The following MEMO1 variants were observed in gnomAD, a reference collection of about 807,000 sequenced individuals.
MEMO1 encodes the protein mediator of cell motility 1, also known as protein MEMO1.
MEMO1 carries 6 observed loss-of-function variants against 45.2 expected under a neutral mutation model. The observed-to-expected ratio is 0.13, with a 90% CI of 0.07 to 0.26. The LOEUF is 0.26. Ranked by LOEUF, MEMO1 falls within the 10% of genes least tolerant of loss-of-function variation. The pLI is 1.00. For missense variants in MEMO1, 184 were observed against 370.5 expected, an observed-to-expected ratio of 0.50 and a Z score of 4.13; for synonymous variants, 78 against 124.3, an observed-to-expected ratio of 0.63 and a Z score of 2.48.
chr2:31,951,394 T>A (rs759068434), intron 2 of MEMO1, among the ~76,000 whole-genome samples: 1 of 152,204 alleles, frequency 6.6e-6, no homozygotes, highest in African/African-American at 2.4e-5. Flanking sequence ...TGTTCTGATA[T>A]TCTTAATTTC....
At chr2:31,933,123 C>T (rs1355887761) in intron 3 of MEMO1, among the ~76,000 whole-genome samples, 1 of 150,094 alleles carries the variant, frequency 6.7e-6, no homozygotes, top group East Asian at 2.0e-4. Flanking sequence ...GAAAGTCAAA[C>T]AAAAATAGCT....
At chr2:31,950,781 A>G (rs768281713) in intron 2 of MEMO1, among the ~76,000 whole-genome samples, 32 of 152,140 alleles carry the variant, frequency 2.1e-4, no homozygotes, top group Non-Finnish European at 4.3e-4. Context: ...AAAACAAAAA[A>G]ATACTTATTC....
In MEMO1 at chr2:32,005,264, G is replaced by A. The variant is rs1673916724; in HGVS notation, c.61+4923C>T. On this transcript the variant is annotated intron_variant, in intron 2 of 9. Coordinates refer to ENST00000404530, the MANE Select transcript of MEMO1 (RefSeq NM_001301833.4). ...GAGCCCAGGAAGTTGAGGCTGCAGT[G>A]AGCTATGATCGAGCCACGGCACTCT... Among the ~76,000 whole-genome samples the A allele has an allele frequency of 2.1e-5, 3 of 143,422 alleles. No individual in the cohort carries two copies. In the Admixed American group the frequency reaches 2.2e-4, roughly 10 times the overall value. The allele number at this position is 143,422 out of a possible 152,430, so 94.1% of individuals were successfully genotyped here.
chr2:31,949,478 A>G (rs1175686215), intron 2 of MEMO1, among the ~76,000 whole-genome samples: 2 of 152,152 alleles, frequency 1.3e-5, no homozygotes, highest in African/African-American at 4.8e-5. Context: ...CATTATGTTA[A>G]GTGAAATAAG....
At position 31,912,305 on chromosome 2, in the gene MEMO1, C is replaced by T. The variant is rs571166064; in HGVS notation, c.437+5621G>A. 1.4e-3 allele frequency among the ~76,000 whole-genome samples: 208 copies of T among 151,914 alleles called. 1 individual carries two copies. Among genetic ancestry groups the T allele is most frequent in the Non-Finnish European group, 2.7e-3 (181 of 67,976 alleles). On this transcript the variant is annotated intron_variant, in intron 6 of 9. Coordinates refer to ENST00000404530, the MANE Select transcript of MEMO1 (RefSeq NM_001301833.4). The stretch of plus-strand genomic sequence containing the variant: ...AGGCCAAGGTTGTGCCATGCCACTG[C>T]ACTCTAGCCTGGGCAACAGAGCAAG...
chr2:31,898,789 T>C (rs2148028315), intron 6 of MEMO1, among the ~76,000 whole-genome samples: 1 of 152,316 alleles, frequency 6.6e-6, no homozygotes, highest in South Asian at 2.1e-4. Context: ...GTCTCACTGA[T>C]CTGTCTAATA....
At chr2:31,940,759 C>G (rs1207033457) in intron 3 of MEMO1, among the ~76,000 whole-genome samples, 2 of 152,176 alleles carry the variant, frequency 1.3e-5, no homozygotes, top group African/African-American at 4.8e-5. Context: ...TCTCAAACTC[C>G]TGGCCTCAAG....
Position 31,993,949 on chromosome 2 carries a change from CTTTTTTTTTTTTTTTTTT to C in MEMO1, c.61+16220_61+16237del, listed in dbSNP as rs397800267. ...AATACAGAAATATCATCAATACTTTCTTTTTTTTTTTTTTTTTTTTTTTTTTTTTGAGACAGAGTCTTG... is the reference window on the plus strand; with the variant it reads ...AATACAGAAATATCATCAATACTTTCTTTTTTTTTTTGAGACAGAGTCTTG... On this transcript the variant is annotated intron_variant, in intron 2 of 9. Coordinates refer to ENST00000404530, the MANE Select transcript of MEMO1 (RefSeq NM_001301833.4). Among the ~76,000 whole-genome samples the C allele has an allele frequency of 8.0e-3, 591 of 73,622 alleles. 12 individuals are homozygous for C. The highest frequency in any genetic ancestry group is 0.028 in the African/African-American group (580 of 20,538). The allele number at this position is 73,622 out of a possible 152,430, so 48.3% of individuals were successfully genotyped here. A position where few individuals can be genotyped will look rare whatever the true frequency, so the allele number is the denominator to read the frequency against.
intron 2 of MEMO1, among the ~76,000 whole-genome samples, chr2:32,001,778 A>T (rs1309608595): frequency 6.6e-6 from 1 of 152,196 alleles, no homozygotes; most frequent in Non-Finnish European, 1.5e-5. Context: ...CATCTATAAA[A>T]TGGCAAGGTG....
chr2:31,895,468 A>C (rs1220865238), intron 6 of MEMO1, among the ~76,000 whole-genome samples: 3 of 152,266 alleles, frequency 2.0e-5, no homozygotes, highest in Non-Finnish European at 4.4e-5. Context: ...TTAGAGTTGA[A>C]TAGTAACCGA....
At chr2:31,947,685 C>T (rs1048663049) in intron 2 of MEMO1, among the ~76,000 whole-genome samples, 22 of 152,132 alleles carry the variant, frequency 1.4e-4, no homozygotes, top group Admixed American at 6.5e-5. Flanking sequence ...TGAGGTATCT[C>T]CTCAAGAAAT....
chr2:31,952,814 A>G (rs962102286), intron 2 of MEMO1, among the ~76,000 whole-genome samples: 2 of 152,228 alleles, frequency 1.3e-5, no homozygotes, highest in South Asian at 2.1e-4. Flanking sequence ...GCCAAAATTA[A>G]TATTTTCCAA....
chr2:31,966,376 A>T (rs541334560), intron 2 of MEMO1, among the ~76,000 whole-genome samples: 185 of 152,314 alleles, frequency 1.2e-3, no homozygotes, highest in African/African-American at 4.2e-3. Flanking sequence ...TTTGAAGCAG[A>T]CACCTTTCTT....
intron 6 of MEMO1, among the ~76,000 whole-genome samples, chr2:31,915,714 G>A (rs182583089): frequency 1.1e-3 from 161 of 152,296 alleles, no homozygotes; most frequent in African/African-American, 3.8e-3. Context: ...CAAGACACAG[G>A]AGTGATGCTA....
At chr2:31,982,904 T>C (rs1210729051) in intron 2 of MEMO1, among the ~76,000 whole-genome samples, 1 of 151,970 alleles carries the variant, frequency 6.6e-6, no homozygotes, top group African/African-American at 2.4e-5. Context: ...CCTGTGGTAC[T>C]GGATTAGAGT....
chr2:31,990,873 G>A (rs758231854), intron 2 of MEMO1, among the ~76,000 whole-genome samples: 4 of 152,104 alleles, frequency 2.6e-5, no homozygotes, highest in Non-Finnish European at 4.4e-5. Flanking sequence ...ATGACATTTC[G>A]CTGAGACTAG....
chr2:31,943,766 C>T lies in MEMO1; in HGVS notation c.62-383G>A, dbSNP rs150902500. The stretch of plus-strand genomic sequence containing the variant: ...ACCAAAATCTGCTCTACAGATTAAT[C>T]ACTGAAATGACATCCACAGAAGGTA... On this transcript the variant is annotated intron_variant, in intron 2 of 9. Transcript: ENST00000404530. Among the ~76,000 whole-genome samples the T allele has an allele frequency of 8.7e-3, 1,327 of 152,278 alleles. 24 individuals are homozygous for T. The highest frequency in any genetic ancestry group is 0.028 in the African/African-American group (1,181 of 41,568).
At chr2:31,940,319 T>G (rs1214524504) in intron 3 of MEMO1, among the ~76,000 whole-genome samples, 1 of 152,164 alleles carries the variant, frequency 6.6e-6, no homozygotes, top group Non-Finnish European at 1.5e-5. Context: ...GTACTCCAGA[T>G]TCATATAGCC....
chr2:31,947,374 T>A (rs1666313313), intron 2 of MEMO1, among the ~76,000 whole-genome samples: 1 of 152,228 alleles, frequency 6.6e-6, no homozygotes, highest in African/African-American at 2.4e-5. Context: ...ACCTATTTAT[T>A]ACGTATGATT....
Sources: gnomAD v4.1 joint callset for allele counts (sites outside exome capture counted in the v4.1 genomes callset) on GRCh38, gnomAD v4.1.1 for gene constraint, MANE v1.5 for transcripts, NCBI Gene and HGNC (gene_info 2026-07-23, HGNC 2026-07-21) for gene names.